The following MYO5B variants were observed in gnomAD, a reference collection of about 807,000 sequenced individuals.
MYO5B encodes the protein myosin VB.
In MYO5B, 143 loss-of-function variants were observed where a neutral mutation model predicts 229.3. The ratio of observed to expected loss-of-function variants is 0.62; its 90% CI spans 0.54 to 0.72. The LOEUF (loss-of-function observed/expected upper bound fraction) is 0.72, where lower values mean the gene tolerates loss of function less well. Among genes scored for constraint, MYO5B ranks in the 30% least tolerant of loss-of-function variants. The probability of loss-of-function intolerance (pLI) is 0.00; values close to 1 mark genes in which losing one functional copy is unlikely to be tolerated. For missense variants in MYO5B, 2,321 were observed against 2,331.0 expected (o/e 1.00, Z 0.09); for synonymous variants, 918 against 885.2 (o/e 1.04, Z -0.66).
At chr18:50,060,440 AAGAC>A (rs1418031051) in intron 1 of MYO5B, among the ~76,000 whole-genome samples, 2 of 152,198 alleles carry the variant, frequency 1.3e-5, no homozygotes, top group African/African-American at 2.4e-5. Context: ...AACAGACTAT[AAGAC>A]AGACAAACTC....
rs565743407 is a variant in MYO5B at position 49,866,193 on chromosome 18, C to T, written c.3604-1813G>A. ...ACGCCATTCTCCTGCTTCAGCCTCC[C>T]GAGTAGCTGGGACTACAGGCGCCCA... On this transcript the variant is annotated intron_variant, in intron 27 of 39. Transcript: ENST00000285039. 7.9e-5 allele frequency among the ~76,000 whole-genome samples: 12 copies of T among 152,120 alleles called. No individual in the cohort carries two copies. In the South Asian group the frequency reaches 8.3e-4, roughly 11 times the overall value.
chr18:49,989,524 G>A (rs1357488450), intron 7 of MYO5B, among the ~76,000 whole-genome samples: 1 of 152,128 alleles, frequency 6.6e-6, no homozygotes, highest in Non-Finnish European at 1.5e-5. Flanking sequence ...ACGCTGCTGG[G>A]CTCAAGGCTT....
intron 17 of MYO5B, among the ~76,000 whole-genome samples, chr18:49,913,848 G>T (rs1010224583): frequency 2.0e-5 from 3 of 152,038 alleles, no homozygotes; most frequent in Non-Finnish European, 2.9e-5. Flanking sequence ...AGAACAGCAC[G>T]ACAGAAAGAG....
chr18:49,981,935 A>C (rs2025820132), intron 8 of MYO5B, among the ~76,000 whole-genome samples: 1 of 152,202 alleles, frequency 6.6e-6, no homozygotes, highest in African/African-American at 2.4e-5. Flanking sequence ...CCCTTGTAGG[A>C]GGTAAAACAC....
intron 12 of MYO5B, among the ~76,000 whole-genome samples, chr18:49,961,923 C>T (rs1222730765): frequency 6.6e-6 from 1 of 152,240 alleles, no homozygotes; most frequent in Non-Finnish European, 1.5e-5. Flanking sequence ...CTTTAGTCTT[C>T]ACTCTCTAGG....
intron 8 of MYO5B, among the ~76,000 whole-genome samples, chr18:49,983,125 C>T (rs2025833888): frequency 6.6e-6 from 1 of 152,244 alleles, no homozygotes; most frequent in Non-Finnish European, 1.5e-5. Flanking sequence ...ATCAACTTAT[C>T]TCTCAGCTTC....
intron 1 of MYO5B, among the ~76,000 whole-genome samples, chr18:50,146,388 A>G (rs756686048): frequency 6.6e-6 from 1 of 152,238 alleles, no homozygotes; most frequent in Non-Finnish European, 1.5e-5. Context: ...CAAGCAAACC[A>G]GGAGCCTTCC....
intron 17 of MYO5B, among the ~76,000 whole-genome samples, chr18:49,927,881 AAAGAT>A (rs1460428370): frequency 1.3e-5 from 2 of 152,242 alleles, no homozygotes; most frequent in African/African-American, 2.4e-5. Context: ...CAATGAAAAC[AAAGAT>A]AAGTAGACGG....
At position 50,195,056 on chromosome 18, in the gene MYO5B, T is replaced by G; in HGVS notation, c.-263A>C. On this transcript the variant is annotated 5_prime_UTR_variant, in exon 1 of 40. Coordinates refer to ENST00000285039, the MANE Select transcript of MYO5B (RefSeq NM_001080467.3). The stretch of plus-strand genomic sequence containing the variant: ...GGGGGAGGAGGCCGCGCCGCACCAC[T>G]CCCCTCCCAGGTGTGGGGAGGAGGC... 11 of 318,016 alleles carry G rather than the reference T, an allele frequency of 3.5e-5. No homozygotes were observed. Among genetic ancestry groups the G allele is most frequent in the South Asian group, 1.5e-4 (1 of 6,490 alleles). 19.7% of individuals were successfully genotyped at this position (318,016 alleles called of 1,614,324 possible).
At chr18:50,188,785 T>TAAAAAAAAAA (rs4042094) in intron 1 of MYO5B, among the ~76,000 whole-genome samples, 9 of 105,100 alleles carry the variant, frequency 8.6e-5, no homozygotes, top group African/African-American at 1.1e-4. Flanking sequence ...GACTCTGTCA[T>TAAAAAAAAAA]AAAAAAAAAA....
chr18:49,832,224 T>A (rs147857110), intron 39 of MYO5B, among the ~76,000 whole-genome samples: 1 of 152,210 alleles, frequency 6.6e-6, no homozygotes, highest in Non-Finnish European at 1.5e-5. Context: ...AACCATGGGA[T>A]GGAGAAGAGT....
At chr18:49,939,985 T>C (rs900626784) in intron 14 of MYO5B, among the ~76,000 whole-genome samples, 3 of 152,152 alleles carry the variant, frequency 2.0e-5, no homozygotes, top group Non-Finnish European at 4.4e-5. Flanking sequence ...ACAGGTCCCA[T>C]ATAGCAGTGA....
chr18:49,880,285 T>G, intron 23 of MYO5B, 86 bp downstream of exon 23: 1 of 1,133,634 alleles, frequency 8.8e-7, no homozygotes, highest in South Asian at 1.2e-5. Context: ...CTAGTCTAAC[T>G]GCATGCTTGC....
intron 1 of MYO5B, among the ~76,000 whole-genome samples, chr18:50,093,243 C>T (rs1374507275): frequency 6.6e-6 from 1 of 151,292 alleles, no homozygotes; most frequent in Non-Finnish European, 1.5e-5. Context: ...CACACACACA[C>T]ACAAAAGAAT....
intron 1 of MYO5B, among the ~76,000 whole-genome samples, chr18:50,115,916 C>A (rs909044298): frequency 2.0e-5 from 3 of 152,040 alleles, no homozygotes; most frequent in African/African-American, 7.3e-5. Context: ...TTTAAACGAA[C>A]AGGTTTTGAA....
chr18:50,158,410 A>C (rs904260160), intron 1 of MYO5B, among the ~76,000 whole-genome samples: 1 of 152,150 alleles, frequency 6.6e-6, no homozygotes, highest in Non-Finnish European at 1.5e-5. Context: ...TTTTATGCAG[A>C]TATCTGGACT....
intron 1 of MYO5B, among the ~76,000 whole-genome samples, chr18:50,131,291 T>G (rs1441847805): frequency 1.3e-5 from 2 of 152,240 alleles, no homozygotes; most frequent in Non-Finnish European, 2.9e-5. Context: ...ACTGGCCTTT[T>G]GTTGCCAGAC....
At chr18:49,890,120 G>A (rs1568019489) in intron 22 of MYO5B, among the ~76,000 whole-genome samples, 1 of 152,200 alleles carries the variant, frequency 6.6e-6, no homozygotes, top group Non-Finnish European at 1.5e-5. Context: ...GTGGGTGAGA[G>A]AATGCTTCCT....
At chr18:49,995,820 A>G (rs1046828303) in intron 5 of MYO5B, among the ~76,000 whole-genome samples, 2 of 152,198 alleles carry the variant, frequency 1.3e-5, no homozygotes, top group Non-Finnish European at 2.9e-5. Context: ...CACATCACAA[A>G]AAGCCAGATT....
Sources: allele counts gnomAD v4.1 joint callset (sites outside exome capture counted in the v4.1 genomes callset), GRCh38; gene constraint gnomAD v4.1.1; transcripts MANE v1.5; gene names NCBI Gene and HGNC (gene_info 2026-07-23, HGNC 2026-07-21).